The following NOTCH2 variants were observed in gnomAD, a reference collection of about 807,000 sequenced individuals.
The protein encoded by NOTCH2 is neurogenic locus notch homolog protein 2.
NOTCH2 carries 29 observed loss-of-function variants against 235.8 expected under a neutral mutation model. The observed-to-expected ratio is 0.12, with a 90% CI of 0.09 to 0.17. NOTCH2 has a LOEUF of 0.17. NOTCH2 is among the 10% of genes least tolerant of loss of function. NOTCH2 has a pLI of 1.00. For synonymous variants in NOTCH2, 1,086 were observed against 1,141.5 expected (o/e 0.95, Z 0.98); for missense variants, 2,285 against 3,150.2 (o/e 0.73, Z 6.57).
intron 30 of NOTCH2, 111 bp from the exon 31 acceptor site, chr1:119,919,724 G>A (rs2101150425): frequency 9.9e-7 from 1 of 1,010,256 alleles, no homozygotes; most frequent in Non-Finnish European, 1.5e-6. Context: ...AGAATTCCCT[G>A]TACTTCTTGT....
chr1:119,983,012 TAATG>T (rs1553201849), intron 5 of NOTCH2, among the ~76,000 whole-genome samples: 1 of 152,156 alleles, frequency 6.6e-6, no homozygotes, highest in African/African-American at 2.4e-5. Context: ...AACTGAAATA[TAATG>T]AGAGTAACAG....
intron 1 of NOTCH2, among the ~76,000 whole-genome samples, chr1:120,039,434 A>T (rs1182249748): frequency 7.3e-6 from 1 of 137,298 alleles, no homozygotes; most frequent in Non-Finnish European, 1.5e-5. Flanking sequence ...TTTGAGATGG[A>T]GTCTCGCTCT....
At chr1:119,978,233 T>G (rs1294322871) in intron 5 of NOTCH2, among the ~76,000 whole-genome samples, 2 of 152,008 alleles carry the variant, frequency 1.3e-5, no homozygotes, top group African/African-American at 4.8e-5. Context: ...ACAGCATGGT[T>G]CATTTGCGGC....
intron 14 of NOTCH2, among the ~76,000 whole-genome samples, chr1:119,951,832 C>T (rs1312414753): frequency 6.6e-6 from 1 of 152,216 alleles, no homozygotes; most frequent in African/African-American, 2.4e-5. Context: ...TATTCTGCTG[C>T]CCACTGGGCA....
At position 119,935,459 on chromosome 1, in the gene NOTCH2, G is replaced by T; in HGVS notation, c.3655+13C>A. 1 of 1,614,144 alleles carries T rather than the reference G, an allele frequency of 6.2e-7. No homozygotes were observed. The highest frequency in any genetic ancestry group is 8.5e-7 in the Non-Finnish European group (1 of 1,179,996). On this transcript the variant is annotated intron_variant, in intron 22 of 33. Coordinates refer to ENST00000256646, the MANE Select transcript of NOTCH2 (RefSeq NM_024408.4). ...ATGCCCTGGATGGAAAATGGATAAG[G>T]ATGATTTCATACCCCGAGTGCCTGG...
At chr1:120,045,813 T>C (rs1553213530) in intron 1 of NOTCH2, among the ~76,000 whole-genome samples, 1 of 152,270 alleles carries the variant, frequency 6.6e-6, no homozygotes, top group Non-Finnish European at 1.5e-5. Context: ...ACAAATATCT[T>C]AGACATTAAA....
chr1:119,923,307 G>T (rs1649350624), intron 26 of NOTCH2, among the ~76,000 whole-genome samples: 1 of 152,228 alleles, frequency 6.6e-6, no homozygotes, highest in African/African-American at 2.4e-5. Context: ...CTAAAGAAGG[G>T]CCTTAACAAT....
At chr1:119,998,626 GT>G (rs1195615467) in intron 3 of NOTCH2, among the ~76,000 whole-genome samples, 1 of 151,920 alleles carries the variant, frequency 6.6e-6, no homozygotes, top group Non-Finnish European at 1.5e-5. Flanking sequence ...CTGGCTTTTT[GT>G]TGTCATTAGT....
chr1:120,001,578 G>A (rs1553205393), intron 3 of NOTCH2, among the ~76,000 whole-genome samples: 1 of 152,006 alleles, frequency 6.6e-6, no homozygotes, highest in African/African-American at 2.4e-5. Context: ...CCTTTGATAT[G>A]GCACTATTCC....
chr1:119,955,344 T>C (rs1650648078), intron 12 of NOTCH2, 112 bp from the exon 13 acceptor site: 1 of 1,049,422 alleles, frequency 9.5e-7, no homozygotes, highest in Non-Finnish European at 1.5e-6. Flanking sequence ...ATAAGGTGCC[T>C]TGAGGCACCA....
At chr1:120,004,826 G>A (rs1189084179) in intron 3 of NOTCH2, among the ~76,000 whole-genome samples, 2 of 152,160 alleles carry the variant, frequency 1.3e-5, no homozygotes, top group African/African-American at 4.8e-5. Flanking sequence ...AGGCTAGAAT[G>A]CAGTGGTGCG....
In NOTCH2 at chr1:119,969,737, G is replaced by A; in HGVS notation, c.882C>T (p.Phe294=). The A allele has an allele frequency of 3.1e-6, 5 of 1,613,996 alleles. No individual in the cohort carries two copies. The highest frequency in any genetic ancestry group is 4.2e-6 in the Non-Finnish European group (5 of 1,179,912). The change falls in exon 6 of 34, where the codon TTC becomes TTT. Residue 294 remains phenylalanine (F), a synonymous_variant. Coordinates refer to ENST00000256646, the MANE Select transcript of NOTCH2 (RefSeq NM_024408.4). ...GGCATTCATCCACATCCTCTGTGCA[G>A]AACTGTCCTTTTAGGGGGAAATTAC... is the stretch of plus-strand genomic sequence containing the variant. ...CRCPPQWTGQ[F]CTEDVDECLL... is the part of the protein sequence containing the mutation.
rs782417826 is a variant in NOTCH2, at chr1:119,950,721, C to G, written c.2479+3G>C. 1.9e-6 allele frequency: 3 copies of G among 1,599,184 alleles called. No homozygotes were observed. The highest frequency in any genetic ancestry group is 1.7e-5 in the Admixed American group (1 of 60,004). The stretch of plus-strand genomic sequence containing the variant: ...GGTCCCTGCTGGTACCTCCAGGACC[C>G]ACCTGTGTATGGCAGCACACAGTGG... On this transcript the variant is annotated splice_donor_region_variant and intron_variant, in intron 15 of 33. Transcript: ENST00000256646.
At position 120,069,525 on chromosome 1, in the gene NOTCH2, G is replaced by A; in HGVS notation, c.-119C>T. The A allele has an allele frequency of 1.4e-6, 2 of 1,432,270 alleles. No individual in the cohort carries two copies. Among genetic ancestry groups the A allele is most frequent in the South Asian group, 2.9e-5 (2 of 70,090 alleles). The allele number at this position is 1,432,270 out of a possible 1,614,324, so 88.7% of individuals were successfully genotyped here. A position where few individuals can be genotyped will look rare whatever the true frequency, so the allele number is the denominator to read the frequency against. On this transcript the variant is annotated 5_prime_UTR_variant, in exon 1 of 34. Coordinates refer to ENST00000256646, the MANE Select transcript of NOTCH2 (RefSeq NM_024408.4). ...CCCCTCCTCCTGCTTCAAAGGCTCA[G>A]GCCCTGGCGCTACGCTCCGAAGCCC...
rs782602715 is a variant in NOTCH2, at chr1:119,940,630, A to G, written c.3108T>C (p.Asn1036=). The change falls in exon 19 of 34, where the codon AAT becomes AAC. Residue 1036 remains asparagine, a synonymous_variant. Transcript: ENST00000256646. ...CCAGGCCATCAACACACGTTCCCTC[A>G]TTCAGGCATGGATGAGAGCTGCATT... ...INECSSHPCL[N]EGTCVDGLGT... 6.2e-7 allele frequency: 1 copy of G among 1,614,108 alleles called. No homozygotes were observed. The highest frequency in any genetic ancestry group is 8.5e-7 in the Non-Finnish European group (1 of 1,179,984).
chr1:120,006,851 G>A (rs1252752199), intron 2 of NOTCH2, among the ~76,000 whole-genome samples: 2 of 152,176 alleles, frequency 1.3e-5, no homozygotes, highest in African/African-American at 2.4e-5. Context: ...GTCTTTGACA[G>A]TCATATCCAA....
chr1:120,027,652 G>A (rs1236854380), intron 2 of NOTCH2, among the ~76,000 whole-genome samples: 1 of 143,078 alleles, frequency 7.0e-6, no homozygotes, highest in African/African-American at 2.6e-5. Flanking sequence ...ACAGGCCCCA[G>A]TGTGTGATGT....
Position 119,916,710 on chromosome 1 carries a change from A to G in NOTCH2, c.6028-16T>C, listed in dbSNP as rs1340944339. 4 of 1,613,518 alleles carry G rather than the reference A, an allele frequency of 2.5e-6. No individual in the cohort carries two copies. The Admixed American group carries it at 5.0e-5, about 20-fold the overall frequency. ...GTGTCTCTTCCTACAGAAAAGGCCC[A>G]TCACAGAACACATGTTAATAACACT... On this transcript the variant is annotated splice_polypyrimidine_tract_variant and intron_variant, in intron 33 of 33. Coordinates refer to ENST00000256646, the MANE Select transcript of NOTCH2 (RefSeq NM_024408.4).
intron 3 of NOTCH2, 155 bp downstream of exon 3, chr1:120,005,174 G>C: frequency 2.2e-6 from 2 of 902,980 alleles, no homozygotes; most frequent in East Asian, 4.9e-5. Context: ...AGGAAGTTAG[G>C]GATAGTTGTC....
Sources: gnomAD v4.1 joint callset for allele counts (sites outside exome capture counted in the v4.1 genomes callset) on GRCh38, gnomAD v4.1.1 for gene constraint, MANE v1.5 for transcripts, NCBI Gene and HGNC (gene_info 2026-07-23, HGNC 2026-07-21) for gene names.